The following ZNF90 variants were observed in gnomAD, a reference collection of about 807,000 sequenced individuals.
The protein encoded by ZNF90 is zinc finger protein 90, also known as zinc finger protein HTF9.
In ZNF90, 11 loss-of-function variants were observed where a neutral mutation model predicts 12.0. The observed-to-expected ratio is 0.92, with a 90% CI of 0.58 to 1.52. The LOEUF (loss-of-function observed/expected upper bound fraction) is 1.52. ZNF90 is among the 40% of genes most tolerant of loss of function. ZNF90 has a pLI of 0.00. For synonymous variants in ZNF90, 232 were observed against 240.1 expected, an observed-to-expected ratio of 0.97 and a Z score of 0.31; for missense variants, 765 against 711.5, an observed-to-expected ratio of 1.08 and a Z score of -0.86.
intron 1 of ZNF90, among the ~76,000 whole-genome samples, chr19:20,089,027 C>G (rs1032934574): frequency 1.3e-5 from 2 of 151,998 alleles, no homozygotes; most frequent in African/African-American, 4.8e-5. Context: ...GGTAGAGGAT[C>G]CACAGAGGAA....
At chr19:20,085,322 C>T (rs564815743) in intron 1 of ZNF90, among the ~76,000 whole-genome samples, 24 of 143,802 alleles carry the variant, frequency 1.7e-4, no homozygotes, top group African/African-American at 4.8e-4. Flanking sequence ...TGCAGTGGCC[C>T]GATCTCGGCT....
intron 1 of ZNF90, among the ~76,000 whole-genome samples, chr19:20,101,138 G>A (rs566273569): frequency 4.7e-4 from 71 of 152,084 alleles, no homozygotes; most frequent in Admixed American, 5.9e-4. Flanking sequence ...CTCCCCCTCC[G>A]GATCCAGCAG....
intron 1 of ZNF90, among the ~76,000 whole-genome samples, chr19:20,098,023 G>A (rs2088962056): frequency 6.8e-6 from 1 of 148,144 alleles, no homozygotes; most frequent in South Asian, 2.2e-4. Context: ...TAGATTTCAG[G>A]CAACTTGAAT....
At chr19:20,111,488 T>G (rs2089088424) in intron 3 of ZNF90, among the ~76,000 whole-genome samples, 1 of 152,196 alleles carries the variant, frequency 6.6e-6, no homozygotes, top group East Asian at 1.9e-4. Context: ...TCCACAGTAC[T>G]AAGATTACAT....
At position 20,118,711 on chromosome 19, in the gene ZNF90, A is replaced by C; in HGVS notation, c.1157A>C (p.Lys386Thr). 6.4e-7 allele frequency: 1 copy of C among 1,562,620 alleles called. No homozygotes were observed. Among genetic ancestry groups the C allele is most frequent in the Non-Finnish European group, 8.7e-7 (1 of 1,155,072 alleles). Reference sequence around the variant, plus strand: ...TTTATTTCATCCTCACTCCTTTATAAACATAAGATAAGTCATAGTGAAAAG... The same window carrying C: ...TTTATTTCATCCTCACTCCTTTATACACATAAGATAAGTCATAGTGAAAAG... ...KAFISSSLLY[K>T]HKISHSEKKP... is the part of the protein sequence containing the mutation. The change falls in exon 4 of 4, where the codon AAA becomes ACA. Residue 386 changes from lysine (K) to threonine (T), a missense_variant. Coordinates refer to ENST00000418063, the MANE Select transcript of ZNF90 (RefSeq NM_007138.2).
At chr19:20,090,683 C>A (rs1232373012) in intron 1 of ZNF90, among the ~76,000 whole-genome samples, 1 of 152,160 alleles carries the variant, frequency 6.6e-6, no homozygotes, top group Non-Finnish European at 1.5e-5. Context: ...AATTTCCTGT[C>A]TAGCCTGCTG....
At chr19:20,094,647 G>C (rs1308724799) in intron 1 of ZNF90, among the ~76,000 whole-genome samples, 1 of 152,182 alleles carries the variant, frequency 6.6e-6, no homozygotes, top group Admixed American at 6.5e-5. Flanking sequence ...GGCTCGTGAA[G>C]CCGGCGGTTA....
At position 20,119,317 on chromosome 19, in the gene ZNF90, T is replaced by C. The variant is rs1555706313; in HGVS notation, c.1763T>C (p.Ile588Thr). Reference sequence around the variant, plus strand: ...CTTAATACACATAAGAGGATTCATATTGGACAGAAAGCCTACATAGTGAAG... The same window carrying C: ...CTTAATACACATAAGAGGATTCATACTGGACAGAAAGCCTACATAGTGAAG... ...SDLNTHKRIH[I>T]GQKAYIVKNM... Residue 588 changes from isoleucine to threonine, a missense_variant, in exon 4 of 4, where the codon ATT becomes ACT. Coordinates refer to ENST00000418063, the MANE Select transcript of ZNF90 (RefSeq NM_007138.2). The C allele has an allele frequency of 3.1e-6, 5 of 1,606,968 alleles. No homozygotes were observed. The highest frequency in any genetic ancestry group is 1.7e-4 in the Middle Eastern group (1 of 6,046).
At chr19:20,110,519 C>A (rs1397512614) in intron 3 of ZNF90, among the ~76,000 whole-genome samples, 2 of 152,218 alleles carry the variant, frequency 1.3e-5, no homozygotes, top group Admixed American at 6.5e-5. Flanking sequence ...GCCCCCTCAG[C>A]CTCCCAAGTT....
intron 3 of ZNF90, among the ~76,000 whole-genome samples, chr19:20,110,321 C>T (rs1438386221): frequency 6.6e-6 from 1 of 152,032 alleles, no homozygotes; most frequent in Non-Finnish European, 1.5e-5. Context: ...CTCTGTTGCC[C>T]AGGCTGGAGT....
chr19:20,096,865 T>C (rs1486929160), intron 1 of ZNF90, among the ~76,000 whole-genome samples: 1 of 152,204 alleles, frequency 6.6e-6, no homozygotes, highest in Non-Finnish European at 1.5e-5. Context: ...GCCAAAATGA[T>C]AGAACCCTAT....
At chr19:20,085,850 C>G (rs1478768929) in intron 1 of ZNF90, among the ~76,000 whole-genome samples, 1 of 152,056 alleles carries the variant, frequency 6.6e-6, no homozygotes, top group Non-Finnish European at 1.5e-5. Context: ...TTATCTAGTA[C>G]TTCAGATTTA....
rs2089179709 is a variant in ZNF90 at position 20,119,694 on chromosome 19, C to T, written c.*334C>T. On this transcript the variant is annotated 3_prime_UTR_variant, in exon 4 of 4. Coordinates refer to ENST00000418063, the MANE Select transcript of ZNF90 (RefSeq NM_007138.2). ...GGAGTGCAATGGCACGATCTCTGCTCACTGCAACCTCTTCCTCCTGGTTCA... is the reference window on the plus strand; with the variant it reads ...GGAGTGCAATGGCACGATCTCTGCTTACTGCAACCTCTTCCTCCTGGTTCA... 4.8e-6 allele frequency: 1 copy of T among 207,836 alleles called. No individual in the cohort carries two copies. The highest frequency in any genetic ancestry group is 9.6e-6 in the Non-Finnish European group (1 of 103,840). 12.9% of individuals were successfully genotyped at this position (207,836 alleles called of 1,614,324 possible). A position where few individuals can be genotyped will look rare whatever the true frequency, so the allele number is the denominator to read the frequency against.
chr19:20,105,051 A>G (rs2089022587), intron 2 of ZNF90, among the ~76,000 whole-genome samples, 170 bp from the exon 3 acceptor site: 1 of 152,154 alleles, frequency 6.6e-6, no homozygotes, highest in Non-Finnish European at 1.5e-5. Flanking sequence ...ACACACACAC[A>G]AAAGAAACCT....
intron 1 of ZNF90, among the ~76,000 whole-genome samples, chr19:20,081,415 C>T (rs2088818547): frequency 6.6e-6 from 1 of 152,152 alleles, no homozygotes; most frequent in Non-Finnish European, 1.5e-5. Flanking sequence ...TCTCAAAATC[C>T]TGACCTCATG....
intron 2 of ZNF90, among the ~76,000 whole-genome samples, chr19:20,104,876 C>A (rs533059433): frequency 1.3e-5 from 2 of 152,240 alleles, no homozygotes; most frequent in East Asian, 3.9e-4. Flanking sequence ...TGCCTGTAAT[C>A]CCAGCTACTC....
At chr19:20,083,508 G>A (rs552388376) in intron 1 of ZNF90, among the ~76,000 whole-genome samples, 1 of 151,928 alleles carries the variant, frequency 6.6e-6, no homozygotes, top group Non-Finnish European at 1.5e-5. Flanking sequence ...TGTGTTTTTA[G>A]TAGCAACAGG....
chr19:20,091,523 G>A lies in ZNF90; in HGVS notation c.4-12716G>A, dbSNP rs182190330. Among the ~76,000 whole-genome samples the A allele has an allele frequency of 1.1e-3, 172 of 152,326 alleles. 1 individual carries two copies. The highest frequency in any genetic ancestry group is 3.7e-3 in the African/African-American group (154 of 41,562). ...AGTTTCCGTGGGGGAGTAGGTGGGA[G>A]TGACTGAAGCGAAGGAGAAAAACTG... On this transcript the variant is annotated intron_variant, in intron 1 of 3. Coordinates refer to ENST00000418063, the MANE Select transcript of ZNF90 (RefSeq NM_007138.2).
intron 1 of ZNF90, among the ~76,000 whole-genome samples, chr19:20,083,765 T>G (rs2088838674): frequency 6.6e-6 from 1 of 152,248 alleles, no homozygotes; most frequent in Non-Finnish European, 1.5e-5. Flanking sequence ...CTTTTATTTT[T>G]GGAGACAGGG....
Sources: allele counts gnomAD v4.1 joint callset (sites outside exome capture counted in the v4.1 genomes callset), GRCh38; gene constraint gnomAD v4.1.1; transcripts MANE v1.5; gene names NCBI Gene and HGNC (gene_info 2026-07-23, HGNC 2026-07-21).